The following FBXW7 variants were observed in gnomAD, a reference collection of about 807,000 sequenced individuals.
FBXW7 encodes F-box and WD repeat domain containing 7.
In FBXW7, 11 loss-of-function variants were observed where a neutral mutation model predicts 86.3. The ratio of observed to expected loss-of-function variants is 0.13; its 90% CI spans 0.08 to 0.21. The LOEUF (loss-of-function observed/expected upper bound fraction) is 0.21, where lower values mean the gene tolerates loss of function less well. Among genes scored for constraint, FBXW7 ranks in the 10% least tolerant of loss-of-function variants. The pLI, the probability that FBXW7 is intolerant of heterozygous loss-of-function variation, is 1.00. For synonymous variants in FBXW7, 313 were observed against 297.9 expected, an observed-to-expected ratio of 1.05 and a Z score of -0.52; for missense variants, 488 against 847.4, an observed-to-expected ratio of 0.58 and a Z score of 5.27.
At chr4:152,331,850 A>C (rs1008720547) in intron 8 of FBXW7, among the ~76,000 whole-genome samples, 11 of 152,104 alleles carry the variant, frequency 7.2e-5, no homozygotes, top group Non-Finnish European at 1.3e-4. Flanking sequence ...GATTTCACTG[A>C]TTAATCCAAG....
chr4:152,492,335 G>A (rs187632836), intron 2 of FBXW7, among the ~76,000 whole-genome samples: 103 of 152,196 alleles, frequency 6.8e-4, no homozygotes, highest in Middle Eastern at 3.4e-3. Flanking sequence ...GGAGTAAATC[G>A]ACTGTAAATA....
At chr4:152,432,510 GAC>G (rs985483007) in intron 2 of FBXW7, among the ~76,000 whole-genome samples, 32 of 152,216 alleles carry the variant, frequency 2.1e-4, no homozygotes, top group Middle Eastern at 3.4e-3. Context: ...CCTTAATCAA[GAC>G]ACAGAATATT....
intron 2 of FBXW7, among the ~76,000 whole-genome samples, chr4:152,481,260 T>A (rs1280352643): frequency 6.6e-6 from 1 of 152,148 alleles, no homozygotes; most frequent in Non-Finnish European, 1.5e-5. Context: ...TGAAAGCACA[T>A]CTATTTAACA....
At chr4:152,389,973 T>A (rs1735858702) in intron 4 of FBXW7, among the ~76,000 whole-genome samples, 1 of 151,966 alleles carries the variant, frequency 6.6e-6, no homozygotes, top group Admixed American at 6.6e-5. Flanking sequence ...TGTATAGTAA[T>A]AAGAAAACAT....
At chr4:152,514,445 G>C (rs1748272808) in intron 2 of FBXW7, among the ~76,000 whole-genome samples, 1 of 152,076 alleles carries the variant, frequency 6.6e-6, no homozygotes, top group African/African-American at 2.4e-5. Flanking sequence ...AGATTCTCAG[G>C]GGTGGGGAGG....
chr4:152,464,642 C>T (rs1220443646), intron 2 of FBXW7, among the ~76,000 whole-genome samples: 1 of 152,062 alleles, frequency 6.6e-6, no homozygotes, highest in East Asian at 1.9e-4. Context: ...CGCTAGGCAG[C>T]ACATGAAGAG....
chr4:152,422,482 AC>A (rs1298688425), intron 2 of FBXW7, among the ~76,000 whole-genome samples: 3 of 148,050 alleles, frequency 2.0e-5, no homozygotes, highest in African/African-American at 7.3e-5. Context: ...TTGAGATGAC[AC>A]TATGACAATT....
At chr4:152,445,944 C>CAAAAAAAAAAAA (rs1741353016) in intron 2 of FBXW7, among the ~76,000 whole-genome samples, 2 of 112,158 alleles carry the variant, frequency 1.8e-5, no homozygotes, top group African/African-American at 5.8e-5. Context: ...AAAAAAAAAC[C>CAAAAAAAAAAAA]AAAGTGCTTA....
intron 2 of FBXW7, among the ~76,000 whole-genome samples, chr4:152,443,971 T>C (rs1741137487): frequency 6.6e-6 from 1 of 152,206 alleles, no homozygotes; most frequent in Non-Finnish European, 1.5e-5. Flanking sequence ...CATCCAGAGA[T>C]AATCACTTTA....
intron 8 of FBXW7, 142 bp downstream of exon 8, chr4:152,332,454 A>AT (rs1729651631): frequency 1.3e-6 from 1 of 749,332 alleles, no homozygotes; most frequent in Non-Finnish European, 1.8e-6. Flanking sequence ...AGCTGTTAAG[A>AT]TTCGGCTCAT....
intron 4 of FBXW7, among the ~76,000 whole-genome samples, chr4:152,362,828 C>CAAAAAAAAAAAAAAAA (rs35796895): frequency 2.5e-5 from 2 of 79,136 alleles, no homozygotes; most frequent in Non-Finnish European, 4.5e-5. Flanking sequence ...CTCTCTCTCT[C>CAAAAAAAAAAAAAAAA]AAAAAAAAAA....
chr4:152,467,536 A>G (rs1743569006), intron 2 of FBXW7, among the ~76,000 whole-genome samples: 2 of 152,236 alleles, frequency 1.3e-5, no homozygotes, highest in South Asian at 2.1e-4. Context: ...CACAAGACTA[A>G]TATCAATAAA....
intron 4 of FBXW7, among the ~76,000 whole-genome samples, chr4:152,407,122 A>G (rs887386800): frequency 7.9e-5 from 12 of 152,200 alleles, no homozygotes; most frequent in Non-Finnish European, 1.6e-4. Flanking sequence ...TTATATACTC[A>G]TGGTTATACA....
intron 4 of FBXW7, among the ~76,000 whole-genome samples, chr4:152,397,964 A>G (rs1033482085): frequency 2.6e-5 from 4 of 151,980 alleles, no homozygotes; most frequent in African/African-American, 9.7e-5. Flanking sequence ...CTAAAAGCAT[A>G]CTTATACTTC....
At chr4:152,492,373 G>T (rs929427396) in intron 2 of FBXW7, among the ~76,000 whole-genome samples, 6 of 152,138 alleles carry the variant, frequency 3.9e-5, no homozygotes, top group Non-Finnish European at 5.9e-5. Flanking sequence ...TTGTGGACAT[G>T]TTTTCATTCC....
intron 4 of FBXW7, among the ~76,000 whole-genome samples, chr4:152,368,633 A>T (rs1051480822): frequency 1.3e-5 from 2 of 152,104 alleles, no homozygotes; most frequent in East Asian, 1.9e-4. Context: ...AGTATGTTAC[A>T]TTTCTTAATT....
At chr4:152,430,681 C>CA (rs1739806868) in intron 2 of FBXW7, among the ~76,000 whole-genome samples, 1 of 152,004 alleles carries the variant, frequency 6.6e-6, no homozygotes, top group Admixed American at 6.6e-5. Flanking sequence ...TTTTCAGTCA[C>CA]AGTATTGACA....
At chr4:152,461,401 T>C (rs944198662) in intron 2 of FBXW7, among the ~76,000 whole-genome samples, 2 of 152,258 alleles carry the variant, frequency 1.3e-5, no homozygotes, top group African/African-American at 4.8e-5. Context: ...TTGTTTTTTA[T>C]TGGCATTATT....
intron 4 of FBXW7, among the ~76,000 whole-genome samples, chr4:152,354,533 A>G (rs192519725): frequency 1.1e-4 from 16 of 152,268 alleles, no homozygotes; most frequent in Middle Eastern, 3.4e-3. Flanking sequence ...TACTAGTGCT[A>G]TAATAGTATA....
Sources: gnomAD v4.1 joint callset for allele counts (sites outside exome capture counted in the v4.1 genomes callset) on GRCh38, gnomAD v4.1.1 for gene constraint, MANE v1.5 for transcripts, NCBI Gene and HGNC (gene_info 2026-07-23, HGNC 2026-07-21) for gene names.